SORBS2: variants seen among roughly 807,000 people sequenced by gnomAD.
The protein encoded by SORBS2 is sorbin and SH3 domain-containing protein 2.
In SORBS2, 46 loss-of-function variants were observed where a neutral mutation model predicts 97.7. The ratio of observed to expected loss-of-function variants is 0.47; its 90% CI spans 0.37 to 0.60. The LOEUF is 0.60. Among genes scored for constraint, SORBS2 ranks in the 20% least tolerant of loss-of-function variants. SORBS2 has a pLI of 0.00. For missense variants in SORBS2, 1,316 were observed against 1,282.3 expected, an observed-to-expected ratio of 1.03 and a Z score of -0.40; for synonymous variants, 476 against 473.4, an observed-to-expected ratio of 1.01 and a Z score of -0.07.
At chr4:185,888,493 T>A (rs2099240823) in intron 1 of SORBS2, among the ~76,000 whole-genome samples, 1 of 152,182 alleles carries the variant, frequency 6.6e-6, no homozygotes, top group African/African-American at 2.4e-5. Flanking sequence ...CCCACCTCCA[T>A]CTTGGTTTTG....
chr4:185,768,719 A>AAAC (rs200460732), intron 2 of SORBS2, among the ~76,000 whole-genome samples: 30 of 139,220 alleles, frequency 2.2e-4, no homozygotes, highest in African/African-American at 8.1e-4. Context: ...AAACAAAAAA[A>AAAC]CAAAAAAAAA....
intron 1 of SORBS2, among the ~76,000 whole-genome samples, chr4:185,865,541 C>G (rs2099226399): frequency 6.6e-6 from 1 of 152,100 alleles, no homozygotes; most frequent in South Asian, 2.1e-4. Context: ...CTTAGGAGAT[C>G]TATAGGCTTT....
intron 4 of SORBS2, among the ~76,000 whole-genome samples, chr4:185,641,618 G>C (rs992838508): frequency 1.3e-5 from 2 of 151,966 alleles, no homozygotes; most frequent in Admixed American, 6.5e-5. Flanking sequence ...TTTGAGTACA[G>C]CACTAATATT....
chr4:185,810,150 C>A (rs767091457), intron 1 of SORBS2, among the ~76,000 whole-genome samples: 2 of 152,204 alleles, frequency 1.3e-5, no homozygotes, highest in African/African-American at 2.4e-5. Context: ...CCCCTACAAC[C>A]CGCATAGGCG....
intron 1 of SORBS2, among the ~76,000 whole-genome samples, chr4:185,953,357 C>A (rs991927041): frequency 1.3e-5 from 2 of 152,196 alleles, no homozygotes; most frequent in Non-Finnish European, 2.9e-5. Context: ...GTTTCCCAGA[C>A]TCCATGCTCT....
At chr4:185,752,418 GGCGCCCGCCACCACACCCA>G (rs1295484128) in intron 2 of SORBS2, among the ~76,000 whole-genome samples, 2 of 152,136 alleles carry the variant, frequency 1.3e-5, no homozygotes, top group Non-Finnish European at 2.9e-5. Flanking sequence ...TTGGACTACA[GGCGCCCGCCACCACACCCA>G]GCTAATTTTT....
chr4:185,677,355 A>G, intron 4 of SORBS2: 1 of 1,552,304 alleles, frequency 6.4e-7, no homozygotes. Flanking sequence ...TGGGGTGTTG[A>G]TGTTAGCGAA....
intron 1 of SORBS2, among the ~76,000 whole-genome samples, chr4:185,888,855 T>C (rs544909345): frequency 3.3e-5 from 5 of 152,316 alleles, no homozygotes; most frequent in Admixed American, 6.5e-5. Flanking sequence ...AACCCTCTCA[T>C]GATTGTTTGC....
intron 1 of SORBS2, among the ~76,000 whole-genome samples, chr4:185,869,900 T>C (rs757369768): frequency 1.3e-5 from 2 of 152,220 alleles, no homozygotes; most frequent in Non-Finnish European, 2.9e-5. Flanking sequence ...AATTTAAAGG[T>C]GTCAGTTAAT....
chr4:185,663,224 C>T (rs2097546361), intron 4 of SORBS2, among the ~76,000 whole-genome samples: 1 of 152,178 alleles, frequency 6.6e-6, no homozygotes, highest in Non-Finnish European at 1.5e-5. Flanking sequence ...CACACATAGG[C>T]ACACAGATAA....
In SORBS2 at chr4:185,733,189, C is replaced by T. The variant is rs574695383; in HGVS notation, c.-198+42038G>A. On this transcript the variant is annotated intron_variant, in intron 2 of 20. Coordinates refer to the SORBS2 transcript ENST00000284776. The stretch of plus-strand genomic sequence containing the variant: ...TGGCTCAAACAGAGCCTCTAGGTGT[C>T]TCTTCTTTTGCAATCCAAAGACTGC... Among the ~76,000 whole-genome samples the T allele has an allele frequency of 9.8e-4, 149 of 152,334 alleles. 1 individual carries two copies. Among genetic ancestry groups the T allele is most frequent in the African/African-American group, 3.5e-3 (145 of 41,584 alleles).
intron 2 of SORBS2, among the ~76,000 whole-genome samples, chr4:185,705,673 T>G (rs960416486): frequency 4.6e-5 from 7 of 152,232 alleles, no homozygotes; most frequent in Admixed American, 4.6e-4. Flanking sequence ...TAACAATATC[T>G]GGTACATATT....
intron 12 of SORBS2, among the ~76,000 whole-genome samples, chr4:185,609,834 A>G (rs1333673584): frequency 6.6e-6 from 1 of 152,234 alleles, no homozygotes; most frequent in African/African-American, 2.4e-5. Flanking sequence ...TCATTTAGAA[A>G]TACATTATAT....
At position 185,709,306 on chromosome 4, in the gene SORBS2, T is replaced by C. The variant is rs77981015; in HGVS notation, c.-197-30484A>G. 3.0e-3 allele frequency among the ~76,000 whole-genome samples: 395 copies of C among 132,666 alleles called. 40 individuals carry two copies. The highest frequency in any genetic ancestry group is 5.2e-3 in the Non-Finnish European group (341 of 65,304). The allele number at this position is 132,666 out of a possible 152,430, so 87.0% of individuals were successfully genotyped here. A position where few individuals can be genotyped will look rare whatever the true frequency, so the allele number is the denominator to read the frequency against. ...ATGAGCCGCTGTGCTGGCCAAATCT[T>C]TTTTTTTTTTTTTTTTTTAGTAAAA... On this transcript the variant is annotated intron_variant, in intron 2 of 20. Coordinates refer to the SORBS2 transcript ENST00000284776.
chr4:185,764,031 A>C (rs954865875), intron 2 of SORBS2, among the ~76,000 whole-genome samples: 2 of 152,220 alleles, frequency 1.3e-5, no homozygotes, highest in Non-Finnish European at 2.9e-5. Flanking sequence ...CTGTGTGTAT[A>C]TAAGCTTTTC....
At chr4:185,854,184 G>C (rs1293421812) in intron 1 of SORBS2, among the ~76,000 whole-genome samples, 2 of 152,162 alleles carry the variant, frequency 1.3e-5, no homozygotes, top group South Asian at 2.1e-4. Context: ...GGTCAGCAAG[G>C]GGGTGGCGGA....
chr4:185,877,430 C>A (rs1267014688), intron 1 of SORBS2, among the ~76,000 whole-genome samples: 1 of 152,132 alleles, frequency 6.6e-6, no homozygotes, highest in Non-Finnish European at 1.5e-5. Context: ...TGTTCTCTAA[C>A]TATTCAGAGT....
intron 2 of SORBS2, among the ~76,000 whole-genome samples, chr4:185,706,072 A>AT (rs1469502106): frequency 6.6e-6 from 1 of 152,160 alleles, no homozygotes; most frequent in Non-Finnish European, 1.5e-5. Flanking sequence ...TCTGAAGTGT[A>AT]TTTTAAGAAG....
intron 1 of SORBS2, among the ~76,000 whole-genome samples, chr4:185,889,580 G>T (rs193106494): frequency 9.7e-4 from 147 of 151,972 alleles, no homozygotes; most frequent in African/African-American, 3.1e-3. Flanking sequence ...GTTTAAAATC[G>T]GTATCATTCC....
Sources: allele counts gnomAD v4.1 joint callset (sites outside exome capture counted in the v4.1 genomes callset), GRCh38; gene constraint gnomAD v4.1.1; transcripts MANE v1.5; gene names NCBI Gene and HGNC (gene_info 2026-07-23, HGNC 2026-07-21).